Variants in GRHL3 observed in about 807,000 individuals in gnomAD.
GRHL3 encodes grainyhead like transcription factor 3.
A neutral mutation model predicts 70.3 loss-of-function variants in GRHL3; 20 were observed. The observed-to-expected ratio is 0.28, with a 90% confidence interval of 0.20 to 0.41. GRHL3 has a LOEUF of 0.41. Ranked by LOEUF, GRHL3 falls within the 10% of genes least tolerant of loss-of-function variation. The pLI, the probability that GRHL3 is intolerant of heterozygous loss-of-function variation, is 1.00. For missense variants in GRHL3, 637 were observed against 762.3 expected, an observed-to-expected ratio of 0.84 and a Z score of 1.94; for synonymous variants, 299 against 299.9, an observed-to-expected ratio of 1.00 and a Z score of 0.03.
At chr1:24,329,530 G>A (rs574239121) in intron 1 of GRHL3, among the ~76,000 whole-genome samples, 1 of 152,338 alleles carries the variant, frequency 6.6e-6, no homozygotes, top group South Asian at 2.1e-4. Flanking sequence ...AGGCTGAGTT[G>A]AAATCCTGGT....
intron 1 of GRHL3, among the ~76,000 whole-genome samples, chr1:24,327,788 G>T (rs1008484069): frequency 6.6e-6 from 1 of 152,126 alleles, no homozygotes; most frequent in African/African-American, 2.4e-5. Flanking sequence ...CATTGATCCA[G>T]TATCAGCTCC....
At chr1:24,325,146 A>T (rs1198634298) in intron 1 of GRHL3, among the ~76,000 whole-genome samples, 1 of 152,148 alleles carries the variant, frequency 6.6e-6, no homozygotes, top group African/African-American at 2.4e-5. Context: ...TTAGCAAGTC[A>T]TTGGGAGTAT....
intron 1 of GRHL3, 74 bp from the exon 2 acceptor site, chr1:24,331,352 G>A (rs906104573): frequency 2.6e-5 from 35 of 1,350,682 alleles, no homozygotes; most frequent in Middle Eastern, 1.9e-4. Flanking sequence ...ATTCCTGGGC[G>A]TTGGCCTGCG....
chr1:24,326,394 C>CA (rs1639391312), intron 1 of GRHL3, among the ~76,000 whole-genome samples: 1 of 150,836 alleles, frequency 6.6e-6, no homozygotes, highest in Non-Finnish European at 1.5e-5. Context: ...TCTTCTCCTC[C>CA]ACCCCTATTC....
chr1:24,339,325 G>A (rs1301493600), intron 7 of GRHL3, among the ~76,000 whole-genome samples: 1 of 150,040 alleles, frequency 6.7e-6, no homozygotes. Flanking sequence ...ACCCAGGCTA[G>A]AGTGCAGTGG....
chr1:24,343,484 A>T (rs565536771), intron 11 of GRHL3, among the ~76,000 whole-genome samples: 3 of 152,022 alleles, frequency 2.0e-5, no homozygotes, highest in East Asian at 3.9e-4. Context: ...AAGTTAAGAA[A>T]CCTCCTGAGA....
intron 1 of GRHL3, among the ~76,000 whole-genome samples, chr1:24,329,730 A>AGATTCTGCCTGGCC (rs1417972573): frequency 1.3e-5 from 2 of 152,216 alleles, no homozygotes; most frequent in Non-Finnish European, 2.9e-5. Context: ...TAGGTCCCTA[A>AGATTCTGCCTGGCC]CATGGGAGAT....
At chr1:24,341,792 C>T (rs1409905883) in intron 8 of GRHL3, among the ~76,000 whole-genome samples, 1 of 152,218 alleles carries the variant, frequency 6.6e-6, no homozygotes, top group Non-Finnish European at 1.5e-5. Flanking sequence ...TGACATCCCC[C>T]CCAGTCTCCA....
In GRHL3 at chr1:24,354,468, A is replaced by G. The variant is rs573032504; in HGVS notation, c.1789A>G (p.Ile597Val). The G allele has an allele frequency of 3.4e-5, 55 of 1,612,710 alleles. No homozygotes were observed. The South Asian group carries it at 5.7e-4, about 17-fold the overall frequency. ...DMGELDGKIQ[I>V]ILKEL ...GGGGGAGCTGGACGGCAAAATTCAG[A>G]TCATCCTTAAGGAGCTGTAAGGCCT... The change falls in exon 16 of 16, where the codon ATC (isoleucine) becomes GTC (valine). Residue 597 changes from isoleucine to valine, a missense_variant. Ile to Val is a conservative substitution (Grantham distance 29). Coordinates refer to ENST00000361548, the MANE Select transcript of GRHL3 (RefSeq NM_198173.3).
At chr1:24,356,535 G>A (rs114588738), downstream of GRHL3, among the ~76,000 whole-genome samples, 918 of 152,308 alleles carry the variant, frequency 6.0e-3, 13 homozygotes, top group African/African-American at 0.021. Flanking sequence ...CACCGTGTCC[G>A]GCCACATTTA....
At position 24,340,946 on chromosome 1, in the gene GRHL3, G is replaced by A. The variant is rs534391248; in HGVS notation, c.1048-1169G>A. 3.9e-5 allele frequency among the ~76,000 whole-genome samples: 6 copies of A among 152,228 alleles called. No homozygotes were observed. The East Asian group carries it at 5.8e-4, about 15-fold the overall frequency. The stretch of plus-strand genomic sequence containing the variant: ...GGTCTTTCTCAGGTGCGAGCTGGGC[G>A]GGGGCTGCATGAGGGCAGAGCTGGC... On this transcript the variant is annotated intron_variant, in intron 8 of 15. Coordinates refer to ENST00000361548, the MANE Select transcript of GRHL3 (RefSeq NM_198173.3).
At chr1:24,350,351 T>G (rs1006764288) in intron 15 of GRHL3, among the ~76,000 whole-genome samples, 6 of 151,674 alleles carry the variant, frequency 4.0e-5, no homozygotes, top group African/African-American at 1.5e-4. Context: ...ACCTCCTGGG[T>G]GGGGTGGAGG....
At chr1:24,341,993 G>A in intron 8 of GRHL3, 122 bp from the exon 9 acceptor site, 1 of 837,974 alleles carries the variant, frequency 1.2e-6, no homozygotes, top group Middle Eastern at 3.8e-4. Context: ...CCTTCTAGGG[G>A]CCTAGTGAGG....
intron 7 of GRHL3, 26 bp from the exon 8 acceptor site, chr1:24,339,642 C>G: frequency 6.5e-7 from 1 of 1,549,474 alleles, no homozygotes; most frequent in Non-Finnish European, 8.9e-7. Context: ...CTTCCTGATT[C>G]TCCTTCTGGT....
At position 24,337,423 on chromosome 1, in the gene GRHL3, C is replaced by T. The variant is rs190722737; in HGVS notation, c.687-213C>T. 1,873 of 606,036 alleles carry T rather than the reference C, an allele frequency of 3.1e-3. 5 individuals carry two copies. The highest frequency in any genetic ancestry group is 4.6e-3 in the Non-Finnish European group (1,589 of 349,184). The allele number at this position is 606,036 out of a possible 1,614,324, so 37.5% of individuals were successfully genotyped here. A position where few individuals can be genotyped will look rare whatever the true frequency, so the allele number is the denominator to read the frequency against. On this transcript the variant is annotated intron_variant, in intron 5 of 15. Coordinates refer to ENST00000361548, the MANE Select transcript of GRHL3 (RefSeq NM_198173.3). Reference sequence around the variant, plus strand: ...ACCCCTCAAGGTTCTCTCTAATTTTCATTGGGCCCTCATTATTCAGCAGGA... The same window carrying T: ...ACCCCTCAAGGTTCTCTCTAATTTTTATTGGGCCCTCATTATTCAGCAGGA...
At position 24,322,636 on chromosome 1, in the gene GRHL3, C is replaced by A. The variant is rs1254982561; in HGVS notation, c.17+3068C>A. Among the ~76,000 whole-genome samples the A allele has an allele frequency of 6.6e-6, 1 of 152,190 alleles. No individual in the cohort carries two copies. Among genetic ancestry groups the A allele is most frequent in the Non-Finnish European group, 1.5e-5 (1 of 68,020 alleles). ...CTGCGGCTCCGCCAGCTGCTGGGAG[C>A]GGGCAGGCTGCGCAGTCCCAGCAGT... On this transcript the variant is annotated intron_variant, in intron 1 of 15. Transcript: ENST00000361548. This position sits in a 1 kb window ranked among gnomAD's most constrained non-coding sequence, Gnocchi z 4.4.
chr1:24,349,799 A>G (rs1052947825), intron 14 of GRHL3, among the ~76,000 whole-genome samples: 1 of 152,238 alleles, frequency 6.6e-6, no homozygotes, highest in Non-Finnish European at 1.5e-5. Context: ...ATATAAAACC[A>G]TGTGGAACCT....
At chr1:24,348,250 A>T (rs1027444500) in intron 14 of GRHL3, among the ~76,000 whole-genome samples, 1 of 152,206 alleles carries the variant, frequency 6.6e-6, no homozygotes, top group Non-Finnish European at 1.5e-5. Flanking sequence ...AGTTGGTCAG[A>T]CATGCCGCCT....
At chr1:24,358,929 G>A (rs1640905399), downstream of GRHL3, among the ~76,000 whole-genome samples, 1 of 152,224 alleles carries the variant, frequency 6.6e-6, no homozygotes, top group Non-Finnish European at 1.5e-5. Context: ...AAAGAAGCAA[G>A]GTGTTAGCTT....
Sources: gnomAD v4.1 joint callset for allele counts (sites outside exome capture counted in the v4.1 genomes callset) on GRCh38, gnomAD v4.1.1 for gene constraint, Gnocchi (gnomAD v3.1) non-coding constraint, MANE v1.5 for transcripts, NCBI Gene and HGNC (gene_info 2026-07-23, HGNC 2026-07-21) for gene names.